ZNF385B: variants seen among roughly 807,000 people sequenced by gnomAD.
ZNF385B encodes zinc finger protein 533.
In ZNF385B, 23 loss-of-function variants were observed where a neutral mutation model predicts 39.2. The observed-to-expected ratio is 0.59, with a 90% confidence interval of 0.42 to 0.83. The LOEUF is 0.83. ZNF385B is among the 40% of genes least tolerant of loss of function. The pLI is 0.00. For synonymous variants in ZNF385B, 205 were observed against 222.6 expected (o/e 0.92, Z 0.70); for missense variants, 552 against 598.9 (o/e 0.92, Z 0.82).
chr2:179,759,746 G>T (rs537697431), intron 3 of ZNF385B, among the ~76,000 whole-genome samples: 1 of 151,944 alleles, frequency 6.6e-6, no homozygotes, highest in East Asian at 1.9e-4. Flanking sequence ...ATCTGTCATT[G>T]TTCTTAGCAT....
chr2:179,530,667 A>C (rs536350478), intron 4 of ZNF385B, among the ~76,000 whole-genome samples: 18 of 152,360 alleles, frequency 1.2e-4, no homozygotes, highest in Middle Eastern at 3.4e-3. Context: ...GAAGAAGTGC[A>C]AAAGAGAAAC....
At chr2:179,477,189 A>AG (rs1378625896) in intron 6 of ZNF385B, among the ~76,000 whole-genome samples, 2 of 152,204 alleles carry the variant, frequency 1.3e-5, no homozygotes, top group Non-Finnish European at 2.9e-5. Context: ...TGAAGTACAC[A>AG]GGGGAACCCA....
chr2:179,626,254 A>G (rs2106175887), intron 3 of ZNF385B, among the ~76,000 whole-genome samples: 1 of 152,284 alleles, frequency 6.6e-6, no homozygotes, highest in African/African-American at 2.4e-5. Flanking sequence ...TTTATGATAA[A>G]TAGTACTGTT....
intron 1 of ZNF385B, among the ~76,000 whole-genome samples, chr2:179,825,440 T>C (rs2106589210): frequency 6.6e-6 from 1 of 152,174 alleles, no homozygotes; most frequent in East Asian, 1.9e-4. Flanking sequence ...GTCAAAGCAC[T>C]TCTTTTTTGA....
intron 1 of ZNF385B, among the ~76,000 whole-genome samples, chr2:179,778,745 T>C (rs1303557645): frequency 6.6e-6 from 1 of 152,168 alleles, no homozygotes; most frequent in Non-Finnish European, 1.5e-5. Context: ...ATAAAAATAA[T>C]TTTTATCATT....
At chr2:179,671,371 AT>A (rs990070881) in intron 3 of ZNF385B, among the ~76,000 whole-genome samples, 3 of 152,234 alleles carry the variant, frequency 2.0e-5, no homozygotes, top group African/African-American at 7.2e-5. Context: ...GAGAGAGCTA[AT>A]TTAAAAATGG....
At chr2:179,754,579 T>C (rs1041644136) in intron 3 of ZNF385B, among the ~76,000 whole-genome samples, 5 of 152,228 alleles carry the variant, frequency 3.3e-5, no homozygotes, top group African/African-American at 1.2e-4. Context: ...TTTTGGTTGA[T>C]AGGCTATTAA....
At position 179,642,141 on chromosome 2, in the gene ZNF385B, T is replaced by C. The variant is rs74835119; in HGVS notation, c.299-97172A>G. On this transcript the variant is annotated intron_variant, in intron 3 of 9. Transcript: ENST00000410066. ...AAAATGTCTACAATAAAGATAGGTATACTTATAAGCCACACATCCTTAGTA... is the reference window on the plus strand; with the variant it reads ...AAAATGTCTACAATAAAGATAGGTACACTTATAAGCCACACATCCTTAGTA... Among the ~76,000 whole-genome samples, 23 of 152,284 alleles carry C rather than the reference T, an allele frequency of 1.5e-4. No homozygotes were observed. The South Asian group carries it at 4.8e-3, about 32-fold the overall frequency.
At chr2:179,506,134 C>T (rs2057236013) in intron 5 of ZNF385B, among the ~76,000 whole-genome samples, 1 of 152,130 alleles carries the variant, frequency 6.6e-6, no homozygotes, top group South Asian at 2.1e-4. Flanking sequence ...AGGAATCCTT[C>T]AAGCTTGTTT....
chr2:179,806,886 A>G (rs1706384180), intron 1 of ZNF385B, among the ~76,000 whole-genome samples: 1 of 152,226 alleles, frequency 6.6e-6, no homozygotes, highest in Admixed American at 6.5e-5. Flanking sequence ...GCAGAATTCA[A>G]TTTCACGCCA....
chr2:179,733,760 G>A (rs574174835), intron 3 of ZNF385B, among the ~76,000 whole-genome samples: 8 of 139,154 alleles, frequency 5.7e-5, no homozygotes, highest in African/African-American at 2.2e-4. Context: ...TCCAGCCTGA[G>A]TGACAGAGCG....
Position 179,564,092 on chromosome 2 carries a change from G to A in ZNF385B, c.299-19123C>T, listed in dbSNP as rs116719027. Among the ~76,000 whole-genome samples, 1,075 of 152,246 alleles carry A rather than the reference G, an allele frequency of 7.1e-3. 16 individuals are homozygous for A. Among genetic ancestry groups the A allele is most frequent in the African/African-American group, 0.025 (1,038 of 41,544 alleles). ...CAGACCAGCAGCATCAGCATCACCTGAGAACTTGTTAGAAAAGCAAATTCT... is the reference window on the plus strand; with the variant it reads ...CAGACCAGCAGCATCAGCATCACCTAAGAACTTGTTAGAAAAGCAAATTCT... On this transcript the variant is annotated intron_variant, in intron 3 of 9. Transcript: ENST00000410066.
chr2:179,479,581 TG>T (rs1223111174), intron 6 of ZNF385B, among the ~76,000 whole-genome samples: 1 of 152,166 alleles, frequency 6.6e-6, no homozygotes, highest in African/African-American at 2.4e-5. Context: ...AGCACATACC[TG>T]TAATCCCAGC....
chr2:179,538,892 C>T (rs1347641518), intron 4 of ZNF385B, among the ~76,000 whole-genome samples: 1 of 152,206 alleles, frequency 6.6e-6, no homozygotes, highest in East Asian at 1.9e-4. Flanking sequence ...CATAAAACAC[C>T]TGCCAATTGG....
chr2:179,588,994 TG>T (rs1574917022), intron 3 of ZNF385B, among the ~76,000 whole-genome samples: 1 of 152,214 alleles, frequency 6.6e-6, no homozygotes, highest in East Asian at 1.9e-4. Flanking sequence ...TGAAACCTCT[TG>T]CCTCTGTGGT....
intron 3 of ZNF385B, among the ~76,000 whole-genome samples, chr2:179,764,050 G>C (rs1010635713): frequency 6.6e-6 from 1 of 152,126 alleles, no homozygotes; most frequent in Non-Finnish European, 1.5e-5. Context: ...CAGTTGCTGA[G>C]AGTAGGTCCC....
chr2:179,774,198 G>A (rs1704176791), intron 1 of ZNF385B, among the ~76,000 whole-genome samples: 1 of 151,870 alleles, frequency 6.6e-6, no homozygotes, highest in Non-Finnish European at 1.5e-5. Flanking sequence ...TAGTGTGTGT[G>A]TGGTCTGTGT....
At chr2:179,794,230 C>T (rs1377384571) in intron 1 of ZNF385B, among the ~76,000 whole-genome samples, 2 of 152,156 alleles carry the variant, frequency 1.3e-5, no homozygotes, top group African/African-American at 2.4e-5. Context: ...ACATCAGCTT[C>T]TACTTGACAC....
rs199939181 is a variant in ZNF385B at position 179,718,830 on chromosome 2, A to C, written c.298+50673T>G. 3.7e-4 allele frequency among the ~76,000 whole-genome samples: 24 copies of C among 64,544 alleles called. No homozygotes were observed. In the Admixed American group the frequency reaches 3.9e-3, roughly 11 times the overall value. The allele number at this position is 64,544 out of a possible 152,430, so 42.3% of individuals were successfully genotyped here. A position where few individuals can be genotyped will look rare whatever the true frequency, so the allele number is the denominator to read the frequency against. On this transcript the variant is annotated intron_variant, in intron 3 of 9. Transcript: ENST00000410066. ...AACATAGTGAGACCCTGTATCTATT[A>C]AAAAAAAAAAACCCAAAAGCCAAAT...
Sources: allele counts gnomAD v4.1 joint callset (sites outside exome capture counted in the v4.1 genomes callset), GRCh38; gene constraint gnomAD v4.1.1; transcripts MANE v1.5; gene names NCBI Gene and HGNC (gene_info 2026-07-23, HGNC 2026-07-21).